Variants in AP5M1 observed in about 807,000 individuals in gnomAD.
AP5M1 encodes AP-5 complex subunit mu-1.
In AP5M1, 44 loss-of-function variants were observed where a neutral mutation model predicts 52.3. The observed-to-expected ratio is 0.84, with a 90% CI of 0.66 to 1.08. The LOEUF is 1.08. AP5M1 is among the 50% of genes least tolerant of loss of function. AP5M1 has a pLI of 0.00. For missense variants in AP5M1, 526 were observed against 568.4 expected, an observed-to-expected ratio of 0.93 and a Z score of 0.76; for synonymous variants, 213 against 199.0, an observed-to-expected ratio of 1.07 and a Z score of -0.59.
chr14:57,295,142 G>C lies in AP5M1; in HGVS notation c.*6258G>C, dbSNP rs185537926. The C allele has an allele frequency of 2.0e-5, 3 of 151,956 alleles. No homozygotes were observed. In the East Asian group the frequency reaches 5.8e-4, roughly 29 times the overall value. The allele number at this position is 151,956 out of a possible 1,614,324, so 9.4% of individuals were successfully genotyped here. On this transcript the variant is annotated 3_prime_UTR_variant, in exon 8 of 8. Transcript: ENST00000261558. ...CAGGTGTAGCAGATTTGTTTCTAAA[G>C]GACATAGGAGTGCATTTTTTATATG...
In AP5M1 at chr14:57,280,282, C is replaced by T; in HGVS notation, c.808C>T (p.Pro270Ser). 6.2e-7 allele frequency: 1 copy of T among 1,613,954 alleles called. No homozygotes were observed. The highest frequency in any genetic ancestry group is 8.5e-7 in the Non-Finnish European group (1 of 1,179,896). The change falls in exon 3 of 8, where the codon CCT becomes TCT. Residue 270 changes from proline to serine, a missense_variant. Around this residue, in one of 3 missense-constraint regions of AP5M1, gnomAD observed 425 missense variants for 430.6 expected, o/e 0.99. Coordinates refer to ENST00000261558, the MANE Select transcript of AP5M1 (RefSeq NM_018229.4). ...GSPLQDILVH[P>S]CVTSLDSAIL... Reference sequence around the variant, plus strand: ...TCCACTTCAGGATATTCTAGTTCACCCTTGTGTAACTTCTCTTGACTCTGC... The same window carrying T: ...TCCACTTCAGGATATTCTAGTTCACTCTTGTGTAACTTCTCTTGACTCTGC...
chr14:57,285,040 A>G lies in AP5M1; in HGVS notation c.1294-1183A>G, dbSNP rs1180756491. Among the ~76,000 whole-genome samples the G allele has an allele frequency of 2.0e-5, 3 of 152,128 alleles. No homozygotes were observed. In the South Asian group the frequency reaches 6.2e-4, roughly 31 times the overall value. On this transcript the variant is annotated intron_variant, in intron 6 of 7. Transcript: ENST00000261558. ...ATAAATAAGATCAGAAAAGGATAAAATAATACAGGAAGATTAAAAAAAACA... is the reference window on the plus strand; with the variant it reads ...ATAAATAAGATCAGAAAAGGATAAAGTAATACAGGAAGATTAAAAAAAACA...
rs1304981370 is a variant in AP5M1 at position 57,296,611 on chromosome 14, G to A, written c.*7727G>A. The A allele has an allele frequency of 6.6e-6, 1 of 151,978 alleles. No individual in the cohort carries two copies. Among genetic ancestry groups the A allele is most frequent in the Non-Finnish European group, 1.5e-5 (1 of 67,948 alleles). The allele number at this position is 151,978 out of a possible 1,614,324, so 9.4% of individuals were successfully genotyped here. On this transcript the variant is annotated 3_prime_UTR_variant, in exon 8 of 8. Coordinates refer to ENST00000261558, the MANE Select transcript of AP5M1 (RefSeq NM_018229.4). ...AGCTTGTTAACCAACTGGAGCAAAA[G>A]GACTTTTTAATATGAATAACAGTGG...
At chr14:57,288,208 T>A (rs1042650186) in intron 7 of AP5M1, among the ~76,000 whole-genome samples, 1 of 151,584 alleles carries the variant, frequency 6.6e-6, no homozygotes, top group African/African-American at 2.4e-5. Context: ...TATAAAGAAT[T>A]TACATGTGTA....
At position 57,289,529 on chromosome 14, in the gene AP5M1, T is replaced by A. The variant is rs1885391775; in HGVS notation, c.*645T>A. The A allele has an allele frequency of 6.6e-6, 1 of 152,052 alleles. No individual in the cohort carries two copies. Among genetic ancestry groups the A allele is most frequent in the Non-Finnish European group, 1.5e-5 (1 of 67,962 alleles). The allele number at this position is 152,052 out of a possible 1,614,324, so 9.4% of individuals were successfully genotyped here. ...TCTGCATAATTCTACTTAAGGTGTGTAATCTCTGTTCTAGAGTTAGTTTTT... is the reference window on the plus strand; with the variant it reads ...TCTGCATAATTCTACTTAAGGTGTGAAATCTCTGTTCTAGAGTTAGTTTTT... On this transcript the variant is annotated 3_prime_UTR_variant, in exon 8 of 8. Transcript: ENST00000261558.
Position 57,269,275 on chromosome 14 carries a change from C to T in AP5M1, c.-40C>T. The T allele has an allele frequency of 6.2e-7, 1 of 1,602,574 alleles. No individual in the cohort carries two copies. The highest frequency in any genetic ancestry group is 8.5e-7 in the Non-Finnish European group (1 of 1,170,372). On this transcript the variant is annotated 5_prime_UTR_variant, in exon 1 of 8. Coordinates refer to ENST00000261558, the MANE Select transcript of AP5M1 (RefSeq NM_018229.4). ...GGTCTGCGCTGTTCCTCGGTGGCGACCTTAATTATGAGATGAGCTAATGCT... is the reference window on the plus strand; with the variant it reads ...GGTCTGCGCTGTTCCTCGGTGGCGATCTTAATTATGAGATGAGCTAATGCT...
chr14:57,275,860 T>C (rs918562185), intron 2 of AP5M1, among the ~76,000 whole-genome samples: 2 of 152,198 alleles, frequency 1.3e-5, no homozygotes, highest in Non-Finnish European at 2.9e-5. Context: ...TGATCAAAAA[T>C]AAAATCCTCC....
Position 57,274,819 on chromosome 14 carries a change from TAAA to T in AP5M1, c.652_654del (p.Lys218del), listed in dbSNP as rs1884984270. 1.2e-6 allele frequency: 2 copies of T among 1,614,088 alleles called. No homozygotes were observed. Among genetic ancestry groups the T allele is most frequent in the Non-Finnish European group, 1.7e-6 (2 of 1,180,040 alleles). ...GTTTCTATTTCTATCACTGAAAAGGTAAAATCCATGCAATATGATAAACAGGGT... is the reference window on the plus strand; with the variant it reads ...GTTTCTATTTCTATCACTGAAAAGGTATCCATGCAATATGATAAACAGGGT... On this transcript the variant is annotated inframe_deletion, in exon 2 of 8. Transcript: ENST00000261558.
chr14:57,275,403 G>GA (rs943790892), intron 2 of AP5M1: 1 of 144,240 alleles, frequency 6.9e-6, no homozygotes, highest in African/African-American at 2.8e-5. Flanking sequence ...GAGAGGGGTG[G>GA]GGGGGGGAGA....
rs1885413630 is a variant in AP5M1 at position 57,290,479 on chromosome 14, A to C, written c.*1595A>C. The C allele has an allele frequency of 6.6e-6, 1 of 151,964 alleles. No homozygotes were observed. Among genetic ancestry groups the C allele is most frequent in the Non-Finnish European group, 1.5e-5 (1 of 67,914 alleles). The allele number at this position is 151,964 out of a possible 1,614,324, so 9.4% of individuals were successfully genotyped here. A position where few individuals can be genotyped will look rare whatever the true frequency, so the allele number is the denominator to read the frequency against. Reference sequence around the variant, plus strand: ...TTGATAAGTTAATGGTAATGGAGCCATTTGGAATCTTGATTGTATAAATGT... The same window carrying C: ...TTGATAAGTTAATGGTAATGGAGCCCTTTGGAATCTTGATTGTATAAATGT... On this transcript the variant is annotated 3_prime_UTR_variant, in exon 8 of 8. Coordinates refer to ENST00000261558, the MANE Select transcript of AP5M1 (RefSeq NM_018229.4).
chr14:57,280,678 T>G (rs1885149890), intron 3 of AP5M1, among the ~76,000 whole-genome samples: 1 of 151,962 alleles, frequency 6.6e-6, no homozygotes, highest in Non-Finnish European at 1.5e-5. Flanking sequence ...GATGAAACCT[T>G]GTCTCTACTA....
chr14:57,281,486 T>G (rs540511497), intron 3 of AP5M1, among the ~76,000 whole-genome samples: 2 of 152,264 alleles, frequency 1.3e-5, no homozygotes, highest in East Asian at 3.9e-4. Flanking sequence ...AACCAGAAAA[T>G]TAGTATCAGC....
At chr14:57,286,378 C>T in intron 7 of AP5M1, 59 bp downstream of exon 7, 1 of 1,081,936 alleles carries the variant, frequency 9.2e-7, no homozygotes, top group Non-Finnish European at 1.4e-6. Context: ...GCAGTTATTA[C>T]CTAAGGTAAA....
In AP5M1 at chr14:57,270,624, A is replaced by G. The variant is rs180901894; in HGVS notation, c.74+1236A>G. 3.3e-3 allele frequency among the ~76,000 whole-genome samples: 496 copies of G among 152,284 alleles called. 2 individuals carry two copies. Among genetic ancestry groups the G allele is most frequent in the Middle Eastern group, 0.014 (4 of 294 alleles). On this transcript the variant is annotated intron_variant, in intron 1 of 7. Transcript: ENST00000261558. ...ACATTTGTTGTTGGACCTCAAATAC[A>G]GGAGATTAATAATATTCTTTAGTAC...
At chr14:57,279,437 CCAAA>C (rs1402437734) in intron 2 of AP5M1, among the ~76,000 whole-genome samples, 1 of 152,086 alleles carries the variant, frequency 6.6e-6, no homozygotes, top group Non-Finnish European at 1.5e-5. Flanking sequence ...GAACAGAAAA[CCAAA>C]CACCTCATGT....
Position 57,289,401 on chromosome 14 carries a change from ACAAC to A in AP5M1, c.*518_*521del, listed in dbSNP as rs1885387019. ...CAGAATACCAGAGACCATGTTAGAG[ACAAC>A]TACATCTCTTCAAAAAACAGCCAAC... On this transcript the variant is annotated 3_prime_UTR_variant, in exon 8 of 8. Transcript: ENST00000261558. The A allele has an allele frequency of 6.6e-6, 1 of 152,164 alleles. No homozygotes were observed. The highest frequency in any genetic ancestry group is 1.9e-4 in the East Asian group (1 of 5,182). The allele number at this position is 152,164 out of a possible 1,614,324, so 9.4% of individuals were successfully genotyped here.
At position 57,290,642 on chromosome 14, in the gene AP5M1, G is replaced by A. The variant is rs1885416453; in HGVS notation, c.*1758G>A. 1 of 151,892 alleles carries A rather than the reference G, an allele frequency of 6.6e-6. No individual in the cohort carries two copies. The highest frequency in any genetic ancestry group is 1.5e-5 in the Non-Finnish European group (1 of 67,868). 9.4% of individuals were successfully genotyped at this position (151,892 alleles called of 1,614,324 possible). ...TTCTATTTGACATTTCTAGAAACCG[G>A]AGGAAAATCTAGGGTGTCCTGGAAA... On this transcript the variant is annotated 3_prime_UTR_variant, in exon 8 of 8. Transcript: ENST00000261558.
chr14:57,284,096 G>A (rs1453532079), intron 6 of AP5M1, among the ~76,000 whole-genome samples: 1 of 152,184 alleles, frequency 6.6e-6, no homozygotes, highest in Non-Finnish European at 1.5e-5. Flanking sequence ...AACAGCTTTG[G>A]TATTTCAAGA....
chr14:57,274,607 A>G lies in AP5M1; in HGVS notation c.438A>G (p.Gln146=), dbSNP rs760494644. The change falls in exon 2 of 8, where the codon CAA becomes CAG. Residue 146 remains glutamine (Q), a synonymous_variant. Coordinates refer to ENST00000261558, the MANE Select transcript of AP5M1 (RefSeq NM_018229.4). ...TACAGGATTTTCTTTATTCAGGTCA[A>G]AAAAATGACTCTGAGCTGAATACAA... ...FGIQDFLYSG[Q]KNDSELNTKL... 1 of 1,614,224 alleles carries G rather than the reference A, an allele frequency of 6.2e-7. No individual in the cohort carries two copies. Among genetic ancestry groups the G allele is most frequent in the South Asian group, 1.1e-5 (1 of 91,082 alleles).
Sources: allele counts gnomAD v4.1 joint callset (sites outside exome capture counted in the v4.1 genomes callset), GRCh38; gene constraint gnomAD v4.1.1; regional missense constraint gnomAD v4.1.1; transcripts MANE v1.5; gene names NCBI Gene and HGNC (gene_info 2026-07-23, HGNC 2026-07-21).